ZNF385D: variants seen among roughly 807,000 people sequenced by gnomAD.
ZNF385D encodes zinc finger protein 385D, also known as zinc finger protein 659.
A neutral mutation model predicts 35.8 loss-of-function variants in ZNF385D; 15 were observed. The observed-to-expected ratio is 0.42, with a 90% confidence interval of 0.28 to 0.64. The LOEUF is 0.64. Ranked by LOEUF, ZNF385D falls within the 30% of genes least tolerant of loss-of-function variation. ZNF385D has a pLI of 0.23. For missense variants in ZNF385D, 474 were observed against 494.6 expected (o/e 0.96, Z 0.39); for synonymous variants, 212 against 186.8 (o/e 1.13, Z -1.10).
chr3:22,015,811 C>T (rs1032074828), intron 3 of ZNF385D, among the ~76,000 whole-genome samples: 3 of 152,068 alleles, frequency 2.0e-5, no homozygotes, highest in African/African-American at 7.2e-5. Flanking sequence ...CATGCTTATG[C>T]TTTTGATGTT....
intron 2 of ZNF385D, among the ~76,000 whole-genome samples, chr3:22,312,118 G>A (rs780537618): frequency 6.6e-6 from 1 of 151,974 alleles, no homozygotes; most frequent in Non-Finnish European, 1.5e-5. Flanking sequence ...AAGTTCATAG[G>A]GACTCTATTA....
At chr3:22,063,689 G>A (rs896195252) in intron 3 of ZNF385D, among the ~76,000 whole-genome samples, 2 of 152,162 alleles carry the variant, frequency 1.3e-5, no homozygotes, top group Admixed American at 6.6e-5. Flanking sequence ...ATAGCCCTCA[G>A]CTCTCTGTCC....
intron 2 of ZNF385D, among the ~76,000 whole-genome samples, chr3:21,616,287 T>C (rs2064844274): frequency 6.6e-6 from 1 of 152,206 alleles, no homozygotes; most frequent in Admixed American, 6.5e-5. Flanking sequence ...GCATGCTATT[T>C]CCTTGCAAAG....
At chr3:22,000,551 A>AT (rs1480580465) in intron 3 of ZNF385D, among the ~76,000 whole-genome samples, 1 of 152,146 alleles carries the variant, frequency 6.6e-6, no homozygotes, top group Non-Finnish European at 1.5e-5. Context: ...TGCTCTGTCT[A>AT]TGGAATACCC....
intron 3 of ZNF385D, among the ~76,000 whole-genome samples, chr3:21,864,438 T>C (rs892154518): frequency 1.3e-5 from 2 of 152,104 alleles, no homozygotes; most frequent in Non-Finnish European, 2.9e-5. Context: ...TTCCTCTAAT[T>C]CTAGCAGTGT....
In ZNF385D at chr3:21,780,597, A is replaced by G. The variant is rs535761287; in HGVS notation, c.326-115569T>C. Reference sequence around the variant, plus strand: ...TCCTTTCTCTTAGAACACTTAAGATATGTTAGGGACCAACAGTAGTTCACA... The same window carrying G: ...TCCTTTCTCTTAGAACACTTAAGATGTGTTAGGGACCAACAGTAGTTCACA... On this transcript the variant is annotated intron_variant, in intron 3 of 5. Transcript: ENST00000494108. Among the ~76,000 whole-genome samples the G allele has an allele frequency of 2.6e-5, 4 of 152,206 alleles. No homozygotes were observed. In the South Asian group the frequency reaches 8.3e-4, roughly 32 times the overall value.
At chr3:21,449,089 TA>T (rs1341070173) in intron 4 of ZNF385D, among the ~76,000 whole-genome samples, 1 of 86,140 alleles carries the variant, frequency 1.2e-5, no homozygotes, top group Non-Finnish European at 2.4e-5. Context: ...AGTATATATT[TA>T]AGAAAAAAAT....
intron 3 of ZNF385D, among the ~76,000 whole-genome samples, chr3:22,120,830 C>A (rs1043068998): frequency 6.6e-6 from 1 of 151,960 alleles, no homozygotes; most frequent in Non-Finnish European, 1.5e-5. Context: ...TCATAGGAAC[C>A]GAAACAAGCC....
chr3:22,025,917 A>T (rs259426), intron 3 of ZNF385D, among the ~76,000 whole-genome samples: 152,147 of 152,262 alleles, frequency 1, 76,016 homozygotes, highest in East Asian at 1. Flanking sequence ...CAAAATGTAA[A>T]TACTATATGA....
chr3:21,847,016 C>T (rs1254541311), intron 3 of ZNF385D, among the ~76,000 whole-genome samples: 1 of 151,946 alleles, frequency 6.6e-6, no homozygotes, highest in Non-Finnish European at 1.5e-5. Context: ...CTTCTCAAGC[C>T]CCAACCAGGT....
chr3:21,481,070 A>T (rs1301124383), intron 4 of ZNF385D, among the ~76,000 whole-genome samples: 1 of 152,196 alleles, frequency 6.6e-6, no homozygotes, highest in Non-Finnish European at 1.5e-5. Context: ...AGAAACAAAA[A>T]GCTGTCTAAG....
intron 3 of ZNF385D, among the ~76,000 whole-genome samples, chr3:21,548,194 G>A (rs1463263388): frequency 6.6e-6 from 1 of 152,100 alleles, no homozygotes; most frequent in Non-Finnish European, 1.5e-5. Context: ...TCGTGGCGGT[G>A]ATATGGACAA....
intron 2 of ZNF385D, among the ~76,000 whole-genome samples, chr3:22,308,567 G>T (rs936830050): frequency 1.3e-5 from 2 of 151,932 alleles, no homozygotes; most frequent in African/African-American, 2.4e-5. Context: ...TCCTAAAGGT[G>T]TAACACATGG....
At chr3:21,750,272 G>C (rs2069999114) in intron 1 of ZNF385D, among the ~76,000 whole-genome samples, 1 of 152,288 alleles carries the variant, frequency 6.6e-6, no homozygotes, top group South Asian at 2.1e-4. Flanking sequence ...ACCTAACTGA[G>C]GTTTCTACCG....
At chr3:21,631,887 G>A (rs1407602245) in intron 2 of ZNF385D, among the ~76,000 whole-genome samples, 1 of 152,024 alleles carries the variant, frequency 6.6e-6, no homozygotes, top group Non-Finnish European at 1.5e-5. Flanking sequence ...TCATGTTCCT[G>A]GAAACAAAAG....
chr3:21,681,943 G>C (rs997018985), intron 1 of ZNF385D, among the ~76,000 whole-genome samples: 2 of 152,030 alleles, frequency 1.3e-5, no homozygotes, highest in African/African-American at 4.8e-5. Flanking sequence ...TTTATGAACT[G>C]GTCAGCCAGT....
chr3:21,529,025 A>G (rs2061856578), intron 3 of ZNF385D, among the ~76,000 whole-genome samples: 1 of 152,192 alleles, frequency 6.6e-6, no homozygotes, highest in African/African-American at 2.4e-5. Flanking sequence ...AGATGTGCTG[A>G]ACCTCAGATT....
At chr3:22,324,374 C>T (rs1694579339) in intron 2 of ZNF385D, among the ~76,000 whole-genome samples, 1 of 152,114 alleles carries the variant, frequency 6.6e-6, no homozygotes, top group African/African-American at 2.4e-5. Flanking sequence ...TAAGATATTT[C>T]AGCAAGGGGT....
intron 4 of ZNF385D, among the ~76,000 whole-genome samples, chr3:21,494,984 T>C (rs1202546018): frequency 6.6e-6 from 1 of 152,224 alleles, no homozygotes; most frequent in Non-Finnish European, 1.5e-5. Context: ...GTATCTGCTA[T>C]TTTCTTCAAA....
Sources: allele counts gnomAD v4.1 joint callset (sites outside exome capture counted in the v4.1 genomes callset), GRCh38; gene constraint gnomAD v4.1.1; transcripts MANE v1.5; gene names NCBI Gene and HGNC (gene_info 2026-07-23, HGNC 2026-07-21).